VPS13B: variants seen among roughly 807,000 people sequenced by gnomAD.
VPS13B encodes intermembrane lipid transfer protein VPS13B.
In VPS13B, 285 loss-of-function variants were observed where a neutral mutation model predicts 426.4. The ratio of observed to expected loss-of-function variants is 0.67; its 90% confidence interval spans 0.61 to 0.74. VPS13B has a LOEUF of 0.74. VPS13B is among the 30% of genes least tolerant of loss of function. The pLI is 0.00. For synonymous variants in VPS13B, 1,676 were observed against 1,676.4 expected, an observed-to-expected ratio of 1.00 and a Z score of 0.01; for missense variants, 4,537 against 4,782.6, an observed-to-expected ratio of 0.95 and a Z score of 1.51.
chr8:99,578,011 G>A (rs758116327), intron 33 of VPS13B, among the ~76,000 whole-genome samples: 1 of 152,022 alleles, frequency 6.6e-6, no homozygotes, highest in Non-Finnish European at 1.5e-5. Context: ...GAGTACTATG[G>A]GAATATCTTC....
At chr8:99,632,344 T>G (rs998950849) in intron 33 of VPS13B, among the ~76,000 whole-genome samples, 35 of 151,968 alleles carry the variant, frequency 2.3e-4, no homozygotes, top group Non-Finnish European at 1.3e-4. Flanking sequence ...CCTTTAAACT[T>G]TATTCAAGCA....
chr8:99,513,375 G>GA (rs1290949355), intron 29 of VPS13B, among the ~76,000 whole-genome samples: 11 of 151,900 alleles, frequency 7.2e-5, no homozygotes, highest in African/African-American at 2.2e-4. Flanking sequence ...TGAAACATAA[G>GA]AAAAAATGTG....
At chr8:99,871,803 C>G in intron 61 of VPS13B, 106 bp downstream of exon 61, 1 of 1,584,136 alleles carries the variant, frequency 6.3e-7, no homozygotes. Context: ...TCTGGAGTGG[C>G]TGCTGGAGAC....
At position 99,226,214 on chromosome 8, in the gene VPS13B, C is replaced by T. The variant is rs557182503; in HGVS notation, c.2515+33157C>T. ...CCAAAACATAGAGTCTCTCATACCT[C>T]CTTGCTGTTGCACATGCTACTGCAT... On this transcript the variant is annotated intron_variant, in intron 17 of 61. Coordinates refer to ENST00000357162, the MANE Select transcript of VPS13B (RefSeq NM_152564.5). Among the ~76,000 whole-genome samples the T allele has an allele frequency of 2.2e-3, 328 of 152,308 alleles. 1 individual carries two copies. Among genetic ancestry groups the T allele is most frequent in the African/African-American group, 7.6e-3 (316 of 41,578 alleles).
intron 19 of VPS13B, among the ~76,000 whole-genome samples, chr8:99,354,239 C>T (rs1178235913): frequency 1.7e-5 from 2 of 114,480 alleles, no homozygotes; most frequent in African/African-American, 6.8e-5. Context: ...TCGTTGTGAG[C>T]ATTCTACTGT....
chr8:99,714,508 A>C (rs1184570754), intron 36 of VPS13B, among the ~76,000 whole-genome samples: 1 of 152,300 alleles, frequency 6.6e-6, no homozygotes, highest in Admixed American at 6.5e-5. Flanking sequence ...TATCTGCATA[A>C]TCTCCAAGTG....
At chr8:99,451,414 T>C (rs965513696) in intron 23 of VPS13B, among the ~76,000 whole-genome samples, 7 of 152,212 alleles carry the variant, frequency 4.6e-5, no homozygotes, top group East Asian at 1.9e-4. Context: ...AAGACAGATA[T>C]GGTGCTTGCT....
chr8:99,278,688 G>A (rs1819017900), intron 19 of VPS13B, among the ~76,000 whole-genome samples: 1 of 152,116 alleles, frequency 6.6e-6, no homozygotes, highest in African/African-American at 2.4e-5. Context: ...ACTAAACACT[G>A]TATCCTTCAG....
chr8:99,170,829 A>G (rs1411471031), intron 16 of VPS13B, among the ~76,000 whole-genome samples: 1 of 151,566 alleles, frequency 6.6e-6, no homozygotes, highest in Non-Finnish European at 1.5e-5. Flanking sequence ...TTTTTAGTGA[A>G]CCATTTTTCC....
intron 39 of VPS13B, among the ~76,000 whole-genome samples, chr8:99,756,012 G>A (rs1440226684): frequency 1.3e-5 from 2 of 152,020 alleles, no homozygotes; most frequent in East Asian, 3.8e-4. Context: ...CCCTGAGGAA[G>A]CCCAGATGTT....
intron 35 of VPS13B, chr8:99,696,941 C>T: frequency 1.5e-6 from 1 of 688,456 alleles, no homozygotes; most frequent in Non-Finnish European, 2.7e-6. Context: ...AAGCTGATTG[C>T]TGAGGAGGGG....
At chr8:99,597,348 A>G (rs1827070228) in intron 33 of VPS13B, among the ~76,000 whole-genome samples, 1 of 152,044 alleles carries the variant, frequency 6.6e-6, no homozygotes, top group African/African-American at 2.4e-5. Flanking sequence ...AAGTTTAGGT[A>G]TAATACTGAA....
At chr8:99,381,536 T>C (rs1038686310) in intron 19 of VPS13B, among the ~76,000 whole-genome samples, 2 of 152,216 alleles carry the variant, frequency 1.3e-5, no homozygotes, top group Admixed American at 1.3e-4. Context: ...TGTATAAGTA[T>C]TGCCTTTTCA....
Position 99,767,783 on chromosome 8 carries a change from C to T in VPS13B, c.7247+813C>T, listed in dbSNP as rs1259365460. On this transcript the variant is annotated intron_variant, in intron 40 of 61. Transcript: ENST00000357162. Reference sequence around the variant, plus strand: ...ATCTCTATAAAAAATACAAAACTAGCTGAGCATGGTGGCACACACCTGTAG... The same window carrying T: ...ATCTCTATAAAAAATACAAAACTAGTTGAGCATGGTGGCACACACCTGTAG... Among the ~76,000 whole-genome samples, 6 of 152,048 alleles carry T rather than the reference C, an allele frequency of 3.9e-5. No individual in the cohort carries two copies. In the East Asian group the frequency reaches 1.2e-3, roughly 29 times the overall value.
chr8:99,864,907 G>C (rs1256129836), intron 58 of VPS13B, among the ~76,000 whole-genome samples: 1 of 152,174 alleles, frequency 6.6e-6, no homozygotes, highest in Admixed American at 6.5e-5. Context: ...CTGAACAATT[G>C]CAAGTTCCAG....
At chr8:99,774,026 G>T (rs1320902472) in intron 40 of VPS13B, among the ~76,000 whole-genome samples, 2 of 151,992 alleles carry the variant, frequency 1.3e-5, no homozygotes, top group African/African-American at 2.4e-5. Flanking sequence ...TAGTCCTATT[G>T]TACTTAGATC....
At chr8:99,525,842 A>T (rs6986467) in intron 30 of VPS13B, among the ~76,000 whole-genome samples, 29,936 of 152,162 alleles carry the variant, frequency 0.2, 3,450 homozygotes, top group East Asian at 0.38. Context: ...TAGTTAGAAG[A>T]CACCTCACTG....
At chr8:99,688,790 G>A (rs1287675795) in intron 35 of VPS13B, among the ~76,000 whole-genome samples, 1 of 151,994 alleles carries the variant, frequency 6.6e-6, no homozygotes, top group Non-Finnish European at 1.5e-5. Context: ...GTATATACAT[G>A]GGAGCCTTCA....
intron 39 of VPS13B, among the ~76,000 whole-genome samples, chr8:99,757,541 T>A (rs1810701537): frequency 6.6e-6 from 1 of 152,176 alleles, no homozygotes; most frequent in East Asian, 1.9e-4. Flanking sequence ...CGCAAAGAAA[T>A]CCATGAGGAC....
Sources: gnomAD v4.1 joint callset for allele counts (sites outside exome capture counted in the v4.1 genomes callset) on GRCh38, gnomAD v4.1.1 for gene constraint, MANE v1.5 for transcripts, NCBI Gene and HGNC (gene_info 2026-07-23, HGNC 2026-07-21) for gene names.